CDH13: variants seen among roughly 807,000 people sequenced by gnomAD.
CDH13 encodes the protein cadherin 13.
Under a neutral mutation model 63.8 loss-of-function variants are expected in CDH13, and 24 were observed. That is an observed-to-expected ratio of 0.38 (90% CI 0.27 to 0.53). CDH13 has a LOEUF of 0.53. Ranked by LOEUF, CDH13 falls within the 20% of genes least tolerant of loss-of-function variation. The pLI is 0.85. For synonymous variants in CDH13, 503 were observed against 355.3 expected (o/e 1.42, Z -4.67); for missense variants, 1,049 against 903.1 (o/e 1.16, Z -2.07).
intron 4 of CDH13, among the ~76,000 whole-genome samples, chr16:83,130,238 A>T (rs1302262243): frequency 6.6e-6 from 1 of 152,204 alleles, no homozygotes; most frequent in Non-Finnish European, 1.5e-5. Context: ...CAACCACATG[A>T]GGATCATTTT....
chr16:82,639,521 C>A, intron 1 of CDH13: 1 of 1,173,450 alleles, frequency 8.5e-7, no homozygotes, highest in Non-Finnish European at 1.2e-6. Flanking sequence ...CCTAGGGATG[C>A]TAAGAAACCC....
At position 83,161,864 on chromosome 16, in the gene CDH13, G is replaced by C. The variant is rs7201411; in HGVS notation, c.483+36363G>C. 9.5e-3 allele frequency among the ~76,000 whole-genome samples: 1,445 copies of C among 152,258 alleles called. 22 individuals carry two copies. Among genetic ancestry groups the C allele is most frequent in the African/African-American group, 0.033 (1,378 of 41,556 alleles). Reference sequence around the variant, plus strand: ...ACGCTATGTCAAACAACCCACCGTAGTTATTCAGGGACACTGCAACTCAAA... The same window carrying C: ...ACGCTATGTCAAACAACCCACCGTACTTATTCAGGGACACTGCAACTCAAA... On this transcript the variant is annotated intron_variant, in intron 4 of 13. Transcript: ENST00000567109.
chr16:82,798,786 C>T (rs868686819), intron 1 of CDH13, among the ~76,000 whole-genome samples: 10 of 152,178 alleles, frequency 6.6e-5, no homozygotes, highest in South Asian at 2.1e-4. Flanking sequence ...TCCGTTAAGA[C>T]GATTGCAAGA....
chr16:83,082,661 T>C (rs1472218668), intron 3 of CDH13, among the ~76,000 whole-genome samples: 3 of 151,582 alleles, frequency 2.0e-5, no homozygotes, highest in Middle Eastern at 3.2e-3. Context: ...AGAAAAGAAA[T>C]AAAAACACCA....
chr16:83,666,440 A>AT (rs995970048), intron 8 of CDH13, among the ~76,000 whole-genome samples: 54 of 151,024 alleles, frequency 3.6e-4, no homozygotes, highest in East Asian at 2.3e-3. Flanking sequence ...ATATTTAAAG[A>AT]TTTTTTTTTT....
chr16:83,679,264 C>G (rs1429098316), intron 10 of CDH13, among the ~76,000 whole-genome samples: 1 of 152,296 alleles, frequency 6.6e-6, no homozygotes, highest in East Asian at 1.9e-4. Context: ...CATGGTTTCA[C>G]AATAAACTTA....
intron 5 of CDH13, among the ~76,000 whole-genome samples, chr16:83,328,430 C>A (rs1372701857): frequency 6.6e-6 from 1 of 152,098 alleles, no homozygotes; most frequent in Non-Finnish European, 1.5e-5. Context: ...CACATCAGGA[C>A]CTTGCAGGCC....
chr16:83,096,473 A>T (rs2034199788), intron 3 of CDH13, among the ~76,000 whole-genome samples: 2 of 152,248 alleles, frequency 1.3e-5, no homozygotes, highest in South Asian at 4.1e-4. Context: ...AGGATTGCTC[A>T]CAAAAATGAA....
intron 1 of CDH13, among the ~76,000 whole-genome samples, chr16:82,828,794 T>C (rs1436016165): frequency 1.3e-5 from 2 of 152,120 alleles, no homozygotes; most frequent in Non-Finnish European, 2.9e-5. Flanking sequence ...AGGTATTATA[T>C]AAGTAATCTA....
At chr16:82,708,547 C>T (rs2031670021) in intron 1 of CDH13, among the ~76,000 whole-genome samples, 1 of 152,172 alleles carries the variant, frequency 6.6e-6, no homozygotes, top group African/African-American at 2.4e-5. Flanking sequence ...TTGGATCTGG[C>T]CCCAGATAGT....
rs551527245 is a variant in CDH13, at chr16:83,267,420, A to C, written c.636+49923A>C. 1.6e-4 allele frequency among the ~76,000 whole-genome samples: 25 copies of C among 152,272 alleles called. No homozygotes were observed. In the East Asian group the frequency reaches 4.8e-3, roughly 29 times the overall value. ...AGGCAGGCACATCGGCTTATAGGAG[A>C]AAGAGAGAGCAGCTCTCCCTTTCTG... On this transcript the variant is annotated intron_variant, in intron 5 of 13. Transcript: ENST00000567109.
intron 5 of CDH13, among the ~76,000 whole-genome samples, chr16:83,331,187 A>T (rs2090473272): frequency 6.6e-6 from 1 of 152,166 alleles, no homozygotes; most frequent in South Asian, 2.1e-4. Context: ...TTGGAATCTC[A>T]GCTGTTTTCT....
At chr16:82,856,894 C>T (rs1026589261) in intron 1 of CDH13, among the ~76,000 whole-genome samples, 1 of 152,056 alleles carries the variant, frequency 6.6e-6, no homozygotes, top group African/African-American at 2.4e-5. Flanking sequence ...TCCAAGTGAT[C>T]TCACCAGAGG....
intron 1 of CDH13, among the ~76,000 whole-genome samples, chr16:82,801,654 C>T (rs549803221): frequency 3.0e-4 from 45 of 152,330 alleles, no homozygotes; most frequent in African/African-American, 8.4e-4. Context: ...AAAGCTTAAC[C>T]GTAGACAGGA....
At chr16:83,501,341 C>T (rs1020032321) in intron 7 of CDH13, among the ~76,000 whole-genome samples, 22 of 152,140 alleles carry the variant, frequency 1.4e-4, no homozygotes, top group East Asian at 1.9e-4. Context: ...TTTTCTCTCC[C>T]GTGTCTTCTA....
At chr16:83,744,610 C>CA (rs1248832558) in intron 10 of CDH13, among the ~76,000 whole-genome samples, 36 of 152,270 alleles carry the variant, frequency 2.4e-4, no homozygotes, top group Middle Eastern at 3.4e-3. Context: ...TTCCAGGGGA[C>CA]CGTGTGAGTC....
At chr16:83,191,621 C>A (rs1422988529) in intron 4 of CDH13, among the ~76,000 whole-genome samples, 1 of 146,644 alleles carries the variant, frequency 6.8e-6, no homozygotes, top group African/African-American at 2.5e-5. Context: ...TCACAAGGTC[C>A]CACAATAGGC....
chr16:83,695,796 G>A (rs375286481), intron 10 of CDH13, among the ~76,000 whole-genome samples: 19 of 152,286 alleles, frequency 1.2e-4, no homozygotes, highest in Non-Finnish European at 1.9e-4. Flanking sequence ...TGTGAGATGG[G>A]TGTGATCATC....
chr16:83,712,313 G>A (rs915106885), intron 10 of CDH13, among the ~76,000 whole-genome samples: 1 of 152,126 alleles, frequency 6.6e-6, no homozygotes, highest in Non-Finnish European at 1.5e-5. Context: ...GGGCTCTTGC[G>A]ATCTCATGAG....
Sources: allele counts gnomAD v4.1 joint callset (sites outside exome capture counted in the v4.1 genomes callset), GRCh38; gene constraint gnomAD v4.1.1; transcripts MANE v1.5; gene names NCBI Gene and HGNC (gene_info 2026-07-23, HGNC 2026-07-21).